Variants in RAB11B observed in about 807,000 individuals in gnomAD.
RAB11B encodes RAB11B, member RAS oncogene family.
In RAB11B, 7 loss-of-function variants were observed where a neutral mutation model predicts 23.7. The observed-to-expected ratio is 0.29, with a 90% CI of 0.17 to 0.55. RAB11B has a LOEUF of 0.55. RAB11B is among the 20% of genes least tolerant of loss of function. The probability of loss-of-function intolerance (pLI) is 0.93; values close to 1 mark genes in which losing one functional copy is unlikely to be tolerated. For synonymous variants in RAB11B, 138 were observed against 132.0 expected (o/e 1.05, Z -0.31); for missense variants, 189 against 320.0 (o/e 0.59, Z 3.12).
chr19:8,400,566 T>C (rs572409669), intron 2 of RAB11B, among the ~76,000 whole-genome samples: 7 of 147,792 alleles, frequency 4.7e-5, no homozygotes, highest in African/African-American at 1.5e-4. Context: ...CTCAGGTACA[T>C]CTGTCTCTCT....
At chr19:8,390,521 G>GC in intron 1 of RAB11B, 65 bp downstream of exon 1, 1 of 1,424,958 alleles carries the variant, frequency 7.0e-7, no homozygotes, top group South Asian at 1.6e-5. Flanking sequence ...ACGGGCCAAG[G>GC]CCGCGCTCCA....
At chr19:8,397,795 G>C (rs1971408159) in intron 1 of RAB11B, among the ~76,000 whole-genome samples, 1 of 152,028 alleles carries the variant, frequency 6.6e-6, no homozygotes, top group Non-Finnish European at 1.5e-5. Context: ...GGGTCAGCCA[G>C]GGCTCAGCCT....
At chr19:8,390,760 G>C in intron 1 of RAB11B, 1 of 323,174 alleles carries the variant, frequency 3.1e-6, no homozygotes, top group Admixed American at 5.0e-5. Context: ...GCCTCCGCAG[G>C]GGGTGGAGCT....
intron 4 of RAB11B, chr19:8,402,969 A>AT: frequency 1.1e-5 from 4 of 359,852 alleles, no homozygotes; most frequent in Middle Eastern, 8.3e-4. Flanking sequence ...GGCCTGTTTG[A>AT]TTTTTTTCCA....
chr19:8,403,800 G>A lies in RAB11B; in HGVS notation c.*242G>A. On this transcript the variant is annotated 3_prime_UTR_variant, in exon 5 of 5. Transcript: ENST00000328024. ...TCGGGTCCCCACAGCGTCTTGGCGGGGTGGGGAGGGCGGCAGGATGGACGG... is the reference window on the plus strand; with the variant it reads ...TCGGGTCCCCACAGCGTCTTGGCGGAGTGGGGAGGGCGGCAGGATGGACGG... The A allele has an allele frequency of 2.0e-6, 1 of 507,836 alleles. No homozygotes were observed. Among genetic ancestry groups the A allele is most frequent in the Non-Finnish European group, 3.3e-6 (1 of 299,776 alleles). 31.5% of individuals were successfully genotyped at this position (507,836 alleles called of 1,614,324 possible).
intron 1 of RAB11B, among the ~76,000 whole-genome samples, chr19:8,398,962 T>A (rs562582618): frequency 2.5e-3 from 374 of 150,842 alleles, no homozygotes; most frequent in East Asian, 6.6e-3. Context: ...TATTATTATT[T>A]TTTTTTTTGA....
At chr19:8,395,828 C>T (rs191591450) in intron 1 of RAB11B, among the ~76,000 whole-genome samples, 2,351 of 152,308 alleles carry the variant, frequency 0.015, 32 homozygotes, top group Non-Finnish European at 0.021. Context: ...TCCCGAGCCA[C>T]GTGCTGGGGT....
chr19:8,400,472 CT>C (rs1430828367), intron 2 of RAB11B: 7 of 200,302 alleles, frequency 3.5e-5, no homozygotes, highest in Non-Finnish European at 7.2e-5. Context: ...ACTCAGCTGC[CT>C]TTTTCTGGAC....
intron 1 of RAB11B, 65 bp downstream of exon 1, chr19:8,390,521 G>A: frequency 7.0e-7 from 1 of 1,424,956 alleles, no homozygotes; most frequent in Non-Finnish European, 9.2e-7. Flanking sequence ...ACGGGCCAAG[G>A]CCGCGCTCCA....
intron 4 of RAB11B, among the ~76,000 whole-genome samples, chr19:8,403,170 C>G (rs140048878): frequency 1.4e-3 from 212 of 152,288 alleles, no homozygotes; most frequent in African/African-American, 4.8e-3. Context: ...AGCCTTTTGG[C>G]TTCTGGGAGT....
At chr19:8,391,226 CTG>C (rs1269390114) in intron 1 of RAB11B, among the ~76,000 whole-genome samples, 1 of 152,242 alleles carries the variant, frequency 6.6e-6, no homozygotes, top group East Asian at 1.9e-4. Context: ...CGTTGGGAAA[CTG>C]AGGCCCAGAG....
At chr19:8,394,814 C>T (rs931365164) in intron 1 of RAB11B, among the ~76,000 whole-genome samples, 2 of 152,180 alleles carry the variant, frequency 1.3e-5, no homozygotes, top group African/African-American at 4.8e-5. Context: ...CCTATAATCC[C>T]GGCTACTCGG....
intron 1 of RAB11B, among the ~76,000 whole-genome samples, chr19:8,391,587 T>A (rs1369084271): frequency 6.6e-6 from 1 of 152,216 alleles, no homozygotes; most frequent in Non-Finnish European, 1.5e-5. Flanking sequence ...TCTGCCCTGG[T>A]TGCTGGGCTC....
intron 1 of RAB11B, 64 bp downstream of exon 1, chr19:8,390,520 G>C: frequency 1.4e-6 from 2 of 1,426,910 alleles, no homozygotes; most frequent in Non-Finnish European, 1.8e-6. Flanking sequence ...GACGGGCCAA[G>C]GCCGCGCTCC....
intron 1 of RAB11B, among the ~76,000 whole-genome samples, chr19:8,397,821 C>T (rs2145509953): frequency 6.6e-6 from 1 of 152,108 alleles, no homozygotes; most frequent in African/African-American, 2.4e-5. Context: ...CCAGCACCTC[C>T]CCGAGCTCAG....
rs113738233 is a variant in RAB11B, at chr19:8,390,494, G to A, written c.40+38G>A. The A allele has an allele frequency of 2.5e-4, 370 of 1,476,082 alleles. No individual in the cohort carries two copies. The African/African-American group carries it at 4.3e-3, about 17-fold the overall frequency. The allele number at this position is 1,476,082 out of a possible 1,614,324, so 91.4% of individuals were successfully genotyped here. ...GGGCACAGACGGGCGAAGTCGTGGC[G>A]GCGAGGCGGCGGGCAGACGGGCCAA... On this transcript the variant is annotated intron_variant, in intron 1 of 4. Coordinates refer to ENST00000328024, the MANE Select transcript of RAB11B (RefSeq NM_004218.4).
At chr19:8,400,214 C>T (rs777739816) in intron 2 of RAB11B, 156 bp downstream of exon 2, 49 of 925,492 alleles carry the variant, frequency 5.3e-5, no homozygotes, top group Non-Finnish European at 7.6e-5. Context: ...AGCCATGCGC[C>T]GTGGGACCCT....
At chr19:8,393,002 T>C (rs1354197309) in intron 1 of RAB11B, among the ~76,000 whole-genome samples, 1 of 151,618 alleles carries the variant, frequency 6.6e-6, no homozygotes, top group Non-Finnish European at 1.5e-5. Context: ...TTTTTTTTTT[T>C]TTTTTTGGTG....
At chr19:8,390,858 G>A (rs1460291294) in intron 1 of RAB11B, among the ~76,000 whole-genome samples, 1 of 151,956 alleles carries the variant, frequency 6.6e-6, no homozygotes, top group Non-Finnish European at 1.5e-5. Context: ...GGCGTGATGG[G>A]CGTGACCAAT....
Sources: gnomAD v4.1 joint callset for allele counts (sites outside exome capture counted in the v4.1 genomes callset) on GRCh38, gnomAD v4.1.1 for gene constraint, MANE v1.5 for transcripts, NCBI Gene and HGNC (gene_info 2026-07-23, HGNC 2026-07-21) for gene names.